Variants in CACNA1C observed in about 807,000 individuals in gnomAD.
CACNA1C encodes voltage-dependent L-type calcium channel subunit alpha-1C.
A neutral mutation model predicts 229.0 loss-of-function variants in CACNA1C; 30 were observed. The observed-to-expected ratio is 0.13, with a 90% CI of 0.10 to 0.18. The LOEUF (loss-of-function observed/expected upper bound fraction) is 0.18, where lower values mean the gene tolerates loss of function less well. CACNA1C is among the 10% of genes least tolerant of loss of function. The pLI is 1.00. For synonymous variants in CACNA1C, 1,114 were observed against 1,132.5 expected, an observed-to-expected ratio of 0.98 and a Z score of 0.33; for missense variants, 1,658 against 2,845.0, an observed-to-expected ratio of 0.58 and a Z score of 9.49.
At chr12:2,143,039 T>A (rs1031787116) in intron 3 of CACNA1C, among the ~76,000 whole-genome samples, 4 of 150,934 alleles carry the variant, frequency 2.7e-5, no homozygotes, top group Non-Finnish European at 5.9e-5. Context: ...GCAATGGTGC[T>A]ATCTTGGCTC....
At chr12:2,178,185 G>A (rs1387729065) in intron 3 of CACNA1C, among the ~76,000 whole-genome samples, 2 of 152,246 alleles carry the variant, frequency 1.3e-5, no homozygotes, top group Non-Finnish European at 2.9e-5. Flanking sequence ...TGCTGGGGAA[G>A]TAGCAGATTA....
chr12:2,254,221 C>G (rs569160810), intron 3 of CACNA1C, among the ~76,000 whole-genome samples: 1 of 152,158 alleles, frequency 6.6e-6, no homozygotes, highest in South Asian at 2.1e-4. Flanking sequence ...AGGCAGGCAC[C>G]CTCCCTCCAG....
chr12:2,400,602 A>T (rs1162024722), intron 3 of CACNA1C, among the ~76,000 whole-genome samples: 1 of 152,184 alleles, frequency 6.6e-6, no homozygotes, highest in Non-Finnish European at 1.5e-5. Flanking sequence ...CGTGCTTAGC[A>T]TGGCATCTTC....
At chr12:2,419,031 A>T (rs547564151) in intron 3 of CACNA1C, among the ~76,000 whole-genome samples, 1 of 152,304 alleles carries the variant, frequency 6.6e-6, no homozygotes, top group African/African-American at 2.4e-5. Context: ...GAGCAAAAGG[A>T]TGGGGTGTTC....
rs561035415 is a variant in CACNA1C at position 2,678,124 on chromosome 12, T to C, written c.5091+257T>C. Reference sequence around the variant, plus strand: ...GAGAAGCGGGAAGGAACCGCCTTCCTAAGGGAAATGTTTCCTAGGAGAAAC... The same window carrying C: ...GAGAAGCGGGAAGGAACCGCCTTCCCAAGGGAAATGTTTCCTAGGAGAAAC... On this transcript the variant is annotated intron_variant, in intron 41 of 46. Transcript: ENST00000399655. The surrounding 1 kb of genome is among the most constrained non-coding windows in gnomAD (Gnocchi z 4.1). Among the ~76,000 whole-genome samples, 1 of 152,330 alleles carries C rather than the reference T, an allele frequency of 6.6e-6. No individual in the cohort carries two copies. Among genetic ancestry groups the C allele is most frequent in the South Asian group, 2.1e-4 (1 of 4,830 alleles).
intron 3 of CACNA1C, among the ~76,000 whole-genome samples, chr12:2,405,259 A>G (rs536807709): frequency 6.6e-6 from 1 of 152,310 alleles, no homozygotes; most frequent in African/African-American, 2.4e-5. Flanking sequence ...TAACGATGGC[A>G]CAGTATCAAA....
chr12:2,692,474 C>T lies in CACNA1C; in HGVS notation c.*1275C>T, dbSNP rs1223685263. On this transcript the variant is annotated 3_prime_UTR_variant, in exon 47 of 47. Coordinates refer to ENST00000399655, the MANE Select transcript of CACNA1C (RefSeq NM_000719.7). ...CACACCAGTGACTACGCAGTCCCCC[C>T]TTTCTGGTTTAGCTGTGGGAAGATC... 1.3e-5 allele frequency: 2 copies of T among 152,676 alleles called. No homozygotes were observed. The highest frequency in any genetic ancestry group is 2.4e-5 in the African/African-American group (1 of 41,456). 9.5% of individuals were successfully genotyped at this position (152,676 alleles called of 1,614,324 possible).
intron 3 of CACNA1C, among the ~76,000 whole-genome samples, chr12:2,414,968 A>T (rs977130628): frequency 6.6e-6 from 1 of 152,080 alleles, no homozygotes; most frequent in African/African-American, 2.4e-5. Context: ...GGAGTCAGGT[A>T]TGAGTCATGC....
At chr12:2,006,138 G>A (rs1292875659) in intron 1 of CACNA1C, among the ~76,000 whole-genome samples, 4 of 152,154 alleles carry the variant, frequency 2.6e-5, no homozygotes, top group African/African-American at 4.8e-5. Context: ...GGCCAGGTGC[G>A]GTGGCTCCTG....
At chr12:1,988,807 G>A (rs375060688) in intron 1 of CACNA1C, among the ~76,000 whole-genome samples, 16 of 152,222 alleles carry the variant, frequency 1.1e-4, no homozygotes, top group South Asian at 6.2e-4. Flanking sequence ...TACTATTTCC[G>A]TTATTTATAG....
chr12:2,123,482 G>A (rs922169051), intron 3 of CACNA1C, among the ~76,000 whole-genome samples: 2 of 152,058 alleles, frequency 1.3e-5, no homozygotes, highest in African/African-American at 4.8e-5. Flanking sequence ...GACCTCAGAG[G>A]GTTCTAGGGA....
intron 9 of CACNA1C, among the ~76,000 whole-genome samples, chr12:2,541,244 C>T (rs1266351778): frequency 6.6e-6 from 1 of 152,132 alleles, no homozygotes; most frequent in African/African-American, 2.4e-5. Flanking sequence ...TAACTCAACT[C>T]ACAGCAGATA....
intron 15 of CACNA1C, 125 bp downstream of exon 15, chr12:2,583,067 C>T: frequency 1.5e-6 from 1 of 655,984 alleles, no homozygotes; most frequent in Non-Finnish European, 2.6e-6. Flanking sequence ...AGCCTAGAAC[C>T]CCATGGCGGC....
intron 3 of CACNA1C, among the ~76,000 whole-genome samples, chr12:2,426,033 A>T (rs565346320): frequency 6.6e-6 from 1 of 152,282 alleles, no homozygotes; most frequent in African/African-American, 2.4e-5. Context: ...TGGGACTGAG[A>T]AATTAGCCCA....
intron 1 of CACNA1C, among the ~76,000 whole-genome samples, chr12:2,110,908 C>T (rs1025973306): frequency 9.9e-6 from 1 of 101,154 alleles, no homozygotes; most frequent in Non-Finnish European, 2.2e-5. Flanking sequence ...GAGGCCCAGG[C>T]CCGGAGGTGG....
intron 3 of CACNA1C, among the ~76,000 whole-genome samples, chr12:2,347,655 T>C (rs540645711): frequency 6.6e-6 from 1 of 152,336 alleles, no homozygotes; most frequent in African/African-American, 2.4e-5. Context: ...GTCTCATAGC[T>C]CCTGCCTTTG....
intron 29 of CACNA1C, among the ~76,000 whole-genome samples, chr12:2,617,883 A>C (rs2081403991): frequency 1.3e-5 from 2 of 152,230 alleles, no homozygotes; most frequent in Admixed American, 1.3e-4. Context: ...ACAACAGCCC[A>C]GTTTCTCATC....
chr12:2,246,044 G>A (rs939972638), intron 3 of CACNA1C, among the ~76,000 whole-genome samples: 2 of 152,182 alleles, frequency 1.3e-5, no homozygotes, highest in Admixed American at 1.3e-4. Context: ...TACACCCATG[G>A]TGGGATGGAC....
At chr12:2,184,443 T>A (rs1377216946) in intron 3 of CACNA1C, among the ~76,000 whole-genome samples, 2 of 152,064 alleles carry the variant, frequency 1.3e-5, no homozygotes, top group African/African-American at 4.8e-5. Context: ...GATAAGTTTG[T>A]GTTAGTTTGG....
Sources: gnomAD v4.1 joint callset for allele counts (sites outside exome capture counted in the v4.1 genomes callset) on GRCh38, gnomAD v4.1.1 for gene constraint, Gnocchi (gnomAD v3.1) non-coding constraint, MANE v1.5 for transcripts, NCBI Gene and HGNC (gene_info 2026-07-23, HGNC 2026-07-21) for gene names.